Variants in MRPS27 observed in about 807,000 individuals in gnomAD.
The protein encoded by MRPS27 is small ribosomal subunit protein mS27.
A neutral mutation model predicts 48.9 loss-of-function variants in MRPS27; 43 were observed. That is an observed-to-expected ratio of 0.88 (90% confidence interval 0.69 to 1.13). MRPS27 has a LOEUF of 1.13. Ranked by LOEUF, MRPS27 falls within the 50% of genes most tolerant of loss-of-function variation. The probability of loss-of-function intolerance (pLI) is 0.00; values close to 1 mark genes in which losing one functional copy is unlikely to be tolerated. For missense variants in MRPS27, 467 were observed against 476.3 expected (o/e 0.98, Z 0.18); for synonymous variants, 188 against 171.9 (o/e 1.09, Z -0.73).
intron 4 of MRPS27, among the ~76,000 whole-genome samples, chr5:72,283,458 A>C (rs1749583079): frequency 6.6e-6 from 1 of 152,194 alleles, no homozygotes; most frequent in Non-Finnish European, 1.5e-5. Context: ...GTCAGGCCTC[A>C]TCCACAGCTG....
chr5:72,256,046 A>G (rs1748795892), intron 4 of MRPS27, among the ~76,000 whole-genome samples: 1 of 152,254 alleles, frequency 6.6e-6, no homozygotes, highest in Non-Finnish European at 1.5e-5. Context: ...AATGAAAGCC[A>G]TTGTCTTGTT....
rs56391618 is a variant in MRPS27 at position 72,255,342 on chromosome 5, C to T, written c.282-17214G>A. Among the ~76,000 whole-genome samples, 1,326 of 152,210 alleles carry T rather than the reference C, an allele frequency of 8.7e-3. 28 individuals carry two copies. Among genetic ancestry groups the T allele is most frequent in the African/African-American group, 0.029 (1,206 of 41,532 alleles). ...CTAGGATTACAGGCCTGAGCCACTG[C>T]ACCTGGCCTGTAATACATTTCTTGA... On this transcript the variant is annotated intron_variant, in intron 4 of 10. Coordinates refer to ENST00000261413, the MANE Select transcript of MRPS27 (RefSeq NM_015084.3).
At chr5:72,306,236 G>C (rs899800214) in intron 2 of MRPS27, among the ~76,000 whole-genome samples, 1 of 152,104 alleles carries the variant, frequency 6.6e-6, no homozygotes, top group African/African-American at 2.4e-5. Context: ...TAAATGAAAA[G>C]AAATGATAAA....
chr5:72,316,827 C>T (rs562384525), intron 1 of MRPS27, among the ~76,000 whole-genome samples: 69 of 151,448 alleles, frequency 4.6e-4, no homozygotes, highest in African/African-American at 1.6e-3. Context: ...GTCGGGAGTT[C>T]GAGGCGAGCC....
intron 4 of MRPS27, among the ~76,000 whole-genome samples, chr5:72,268,704 G>C (rs1188943037): frequency 6.6e-6 from 1 of 152,162 alleles, no homozygotes; most frequent in African/African-American, 2.4e-5. Flanking sequence ...TTCTACAAAA[G>C]AGGAGCAAAC....
chr5:72,298,784 GAAAAT>G (rs1750053945), intron 2 of MRPS27, among the ~76,000 whole-genome samples: 1 of 148,044 alleles, frequency 6.8e-6, no homozygotes, highest in East Asian at 2.0e-4. Flanking sequence ...GGTACATACC[GAAAAT>G]AAAATAAAAC....
chr5:72,318,857 G>A (rs906718890), intron 1 of MRPS27, among the ~76,000 whole-genome samples: 1 of 151,384 alleles, frequency 6.6e-6, no homozygotes, highest in Non-Finnish European at 1.5e-5. Context: ...CCCTCTGTGT[G>A]TAGTTGTTCA....
intron 4 of MRPS27, among the ~76,000 whole-genome samples, chr5:72,238,444 A>C (rs1303375282): frequency 6.6e-6 from 1 of 152,218 alleles, no homozygotes; most frequent in Non-Finnish European, 1.5e-5. Context: ...GGCATTATGT[A>C]AACAGATATT....
chr5:72,277,843 A>T (rs1259739980), intron 4 of MRPS27, among the ~76,000 whole-genome samples: 1 of 152,176 alleles, frequency 6.6e-6, no homozygotes, highest in Non-Finnish European at 1.5e-5. Flanking sequence ...CCAGGAACAG[A>T]AAATCAAACA....
chr5:72,271,591 T>C (rs1036488007), intron 4 of MRPS27, among the ~76,000 whole-genome samples: 3 of 152,150 alleles, frequency 2.0e-5, no homozygotes, highest in Non-Finnish European at 4.4e-5. Flanking sequence ...GTGATCCTGG[T>C]TTGGATCTTA....
At chr5:72,317,752 A>T (rs1440059095) in intron 1 of MRPS27, among the ~76,000 whole-genome samples, 1 of 152,044 alleles carries the variant, frequency 6.6e-6, no homozygotes, top group Non-Finnish European at 1.5e-5. Flanking sequence ...TAGTGGCATG[A>T]TCTTGGCTCA....
intron 4 of MRPS27, among the ~76,000 whole-genome samples, chr5:72,256,481 T>A (rs1226140039): frequency 6.6e-6 from 1 of 152,232 alleles, no homozygotes; most frequent in Non-Finnish European, 1.5e-5. Flanking sequence ...CATTCAACCC[T>A]TTCACTTTCA....
intron 10 of MRPS27, among the ~76,000 whole-genome samples, chr5:72,222,959 A>C (rs1269203508): frequency 6.6e-6 from 1 of 152,230 alleles, no homozygotes; most frequent in Non-Finnish European, 1.5e-5. Context: ...AGTTACACAA[A>C]ACAAGTGGGA....
intron 4 of MRPS27, among the ~76,000 whole-genome samples, chr5:72,261,398 C>T (rs1748970443): frequency 6.6e-6 from 1 of 152,044 alleles, no homozygotes; most frequent in Non-Finnish European, 1.5e-5. Context: ...ATTACAGACG[C>T]CACCACATGC....
chr5:72,245,764 C>A (rs560622501), intron 4 of MRPS27, among the ~76,000 whole-genome samples: 17 of 152,172 alleles, frequency 1.1e-4, no homozygotes, highest in African/African-American at 4.1e-4. Context: ...CAGTGTTGAG[C>A]AGATTTATAT....
intron 1 of MRPS27, among the ~76,000 whole-genome samples, chr5:72,319,607 G>A (rs184813881): frequency 1.2e-3 from 168 of 142,672 alleles, no homozygotes; most frequent in Admixed American, 3.8e-3. Flanking sequence ...GTAGTGGCGC[G>A]ATCTCTGCTC....
At chr5:72,249,467 T>G (rs1188640094) in intron 4 of MRPS27, among the ~76,000 whole-genome samples, 1 of 148,948 alleles carries the variant, frequency 6.7e-6, no homozygotes, top group Non-Finnish European at 1.5e-5. Flanking sequence ...GCAGGTCACT[T>G]GAGGTCAGGA....
At chr5:72,223,892 C>T (rs1271915845) in intron 9 of MRPS27, 42 bp from the exon 10 acceptor site, 5 of 1,593,458 alleles carry the variant, frequency 3.1e-6, no homozygotes, top group Non-Finnish European at 4.3e-6. Flanking sequence ...TGTTTTATGG[C>T]CCAAAAGCAC....
chr5:72,310,545 T>A (rs958049629), intron 2 of MRPS27, among the ~76,000 whole-genome samples: 13 of 152,190 alleles, frequency 8.5e-5, no homozygotes, highest in Non-Finnish European at 1.8e-4. Context: ...TAATGCATGA[T>A]AATAAACAGA....
Sources: gnomAD v4.1 joint callset for allele counts (sites outside exome capture counted in the v4.1 genomes callset) on GRCh38, gnomAD v4.1.1 for gene constraint, MANE v1.5 for transcripts, NCBI Gene and HGNC (gene_info 2026-07-23, HGNC 2026-07-21) for gene names.